The following PBX1 variants were observed in gnomAD, a reference collection of about 807,000 sequenced individuals.
The protein encoded by PBX1 is PBX homeobox 1, also known as pre-B-cell leukemia transcription factor 1.
Under a neutral mutation model 53.4 loss-of-function variants are expected in PBX1, and 6 were observed. The observed-to-expected ratio is 0.11, with a 90% CI of 0.06 to 0.22. PBX1 has a LOEUF of 0.22. Among genes scored for constraint, PBX1 ranks in the 10% least tolerant of loss-of-function variants. The probability of loss-of-function intolerance (pLI) is 1.00; values close to 1 mark genes in which losing one functional copy is unlikely to be tolerated. For missense variants in PBX1, 251 were observed against 551.4 expected (o/e 0.46, Z 5.46); for synonymous variants, 204 against 212.3 (o/e 0.96, Z 0.34).
At chr1:164,637,838 C>T (rs1658874576) in intron 2 of PBX1, among the ~76,000 whole-genome samples, 1 of 152,174 alleles carries the variant, frequency 6.6e-6, no homozygotes, top group African/African-American at 2.4e-5. Context: ...GCAGACAGAA[C>T]AGGCTTTCTT....
At chr1:164,563,037 C>A in intron 1 of PBX1, 1 of 379,788 alleles carries the variant, frequency 2.6e-6, no homozygotes, top group Non-Finnish European at 4.8e-6. Flanking sequence ...TAAATCCCTA[C>A]CCTCTCCCTG....
intron 2 of PBX1, chr1:164,700,836 A>G (rs1268692924): frequency 1.7e-6 from 1 of 594,184 alleles, no homozygotes; most frequent in African/African-American, 2.0e-5. Flanking sequence ...GTATATTGCC[A>G]CTTAGCTGAT....
rs35701840 is a variant in PBX1 at position 164,778,636 on chromosome 1, C to CAAA, written c.266-13846_266-13844dup. The stretch of plus-strand genomic sequence containing the variant: ...TGGACAACAGAGTGAGACCCTTTCT[C>CAAA]AAAAAAAAAAAAAAGAAGAACAGGT... On this transcript the variant is annotated intron_variant, in intron 2 of 8. Coordinates refer to ENST00000420696, the MANE Select transcript of PBX1 (RefSeq NM_002585.4). Among the ~76,000 whole-genome samples the CAAA allele has an allele frequency of 1.1e-3, 145 of 136,372 alleles. 1 individual carries two copies. Among genetic ancestry groups the CAAA allele is most frequent in the Middle Eastern group, 3.8e-3 (1 of 262 alleles). 89.5% of individuals were successfully genotyped at this position (136,372 alleles called of 152,430 possible).
chr1:164,872,988 T>A (rs1307582098), intron 2 of PBX1, among the ~76,000 whole-genome samples: 1 of 152,210 alleles, frequency 6.6e-6, no homozygotes, highest in Non-Finnish European at 1.5e-5. Context: ...ACATTGGGCT[T>A]TACACAGAAT....
intron 6 of PBX1, chr1:164,817,492 G>A (rs759696264): frequency 6.6e-5 from 10 of 152,190 alleles, no homozygotes; most frequent in Non-Finnish European, 1.3e-4. Context: ...GAGAAGCCAT[G>A]GTAATATTGT....
intron 8 of PBX1, among the ~76,000 whole-genome samples, chr1:164,827,076 T>C (rs971245490): frequency 7.9e-5 from 12 of 152,228 alleles, no homozygotes; most frequent in Non-Finnish European, 1.6e-4. Context: ...GCCTCCTATT[T>C]AAATGAACAT....
rs74121209 is a variant in PBX1 at position 164,748,486 on chromosome 1, C to T, written c.266-44008C>T. Among the ~76,000 whole-genome samples, 256 of 152,272 alleles carry T rather than the reference C, an allele frequency of 1.7e-3. 1 individual carries two copies. The highest frequency in any genetic ancestry group is 5.8e-3 in the African/African-American group (243 of 41,548). On this transcript the variant is annotated intron_variant, in intron 2 of 8. Coordinates refer to ENST00000420696, the MANE Select transcript of PBX1 (RefSeq NM_002585.4). ...GCTTAACAGTCATTAGAAGAGGTCA[C>T]GGCAGGCTCTGTGATCTCTATCATC...
intron 2 of PBX1, among the ~76,000 whole-genome samples, chr1:164,670,846 T>C (rs1453062085): frequency 6.6e-6 from 1 of 151,984 alleles, no homozygotes; most frequent in Non-Finnish European, 1.5e-5. Flanking sequence ...TCAGAAGGGG[T>C]GTTTTCTTTC....
intron 2 of PBX1, among the ~76,000 whole-genome samples, chr1:164,789,193 A>G (rs2102294157): frequency 6.6e-6 from 1 of 152,076 alleles, no homozygotes; most frequent in Non-Finnish European, 1.5e-5. Context: ...TTCCTTTCTT[A>G]TTTTATTTAA....
chr1:164,685,228 A>G (rs1225242045), intron 2 of PBX1, among the ~76,000 whole-genome samples: 1 of 152,174 alleles, frequency 6.6e-6, no homozygotes, highest in Non-Finnish European at 1.5e-5. Flanking sequence ...ACCTTGCAAC[A>G]GCCTGCTTTT....
At chr1:164,657,811 G>A (rs916574033) in intron 2 of PBX1, among the ~76,000 whole-genome samples, 3 of 152,152 alleles carry the variant, frequency 2.0e-5, no homozygotes, top group Admixed American at 6.5e-5. Context: ...ACCCTGATCT[G>A]TGTGGCTTTA....
chr1:164,717,088 C>G (rs933963573), intron 2 of PBX1, among the ~76,000 whole-genome samples: 3 of 152,080 alleles, frequency 2.0e-5, no homozygotes, highest in Non-Finnish European at 4.4e-5. Flanking sequence ...AGAAAGAGGA[C>G]AGCATTTTTA....
At chr1:164,724,258 T>C (rs1664562756) in intron 2 of PBX1, among the ~76,000 whole-genome samples, 2 of 152,180 alleles carry the variant, frequency 1.3e-5, no homozygotes, top group African/African-American at 4.8e-5. Context: ...GGAACTCTAC[T>C]GAGCTTCCAG....
At chr1:164,825,086 T>C (rs1254373195) in intron 8 of PBX1, among the ~76,000 whole-genome samples, 1 of 152,158 alleles carries the variant, frequency 6.6e-6, no homozygotes, top group African/African-American at 2.4e-5. Context: ...CCTCCTGTCA[T>C]CAAAATAAAC....
At chr1:164,575,648 C>T (rs1169069270) in intron 2 of PBX1, among the ~76,000 whole-genome samples, 2 of 152,180 alleles carry the variant, frequency 1.3e-5, no homozygotes, top group Non-Finnish European at 2.9e-5. Context: ...TAATGATGAG[C>T]CCTGCCTACA....
chr1:164,606,698 T>A (rs901905315), intron 2 of PBX1, among the ~76,000 whole-genome samples: 79 of 152,354 alleles, frequency 5.2e-4, no homozygotes, highest in African/African-American at 1.9e-3. Flanking sequence ...TGTTGCTGTA[T>A]CCTTAGCAAC....
rs755845426 is a variant in PBX1, at chr1:164,812,145, G to C, written c.993G>C (p.Ser331=). The C allele has an allele frequency of 6.2e-7, 1 of 1,607,108 alleles. No homozygotes were observed. Among genetic ancestry groups the C allele is most frequent in the Non-Finnish European group, 8.5e-7 (1 of 1,176,224 alleles). Residue 331 remains serine (S), a synonymous_variant, in exon 6 of 9, where the codon TCG becomes TCC. Coordinates refer to ENST00000420696, the MANE Select transcript of PBX1 (RefSeq NM_002585.4). ...CTAACTCGCCCTCAACTCCCAACTCGGCTGGTTAGTTTTTTCTTTGATTGG... is the reference window on the plus strand; with the variant it reads ...CTAACTCGCCCTCAACTCCCAACTCCGCTGGTTAGTTTTTTCTTTGATTGG... ...SQANSPSTPN[S]AGSSSSFNMS...
At chr1:164,754,497 GTGAC>G in intron 2 of PBX1, among the ~76,000 whole-genome samples, 1 of 152,352 alleles carries the variant, frequency 6.6e-6, no homozygotes, top group Non-Finnish European at 1.5e-5. Context: ...GGGAGAAAGA[GTGAC>G]TGGTTTGTTT....
intron 3 of PBX1, among the ~76,000 whole-genome samples, chr1:164,796,836 G>C (rs1668810092): frequency 6.6e-6 from 1 of 152,166 alleles, no homozygotes; most frequent in Non-Finnish European, 1.5e-5. Context: ...GAAACATTCA[G>C]CATGTGAGGG....
Sources: allele counts gnomAD v4.1 joint callset (sites outside exome capture counted in the v4.1 genomes callset), GRCh38; gene constraint gnomAD v4.1.1; transcripts MANE v1.5; gene names NCBI Gene and HGNC (gene_info 2026-07-23, HGNC 2026-07-21).